DNA2: variants seen among roughly 807,000 people sequenced by gnomAD.
The protein encoded by DNA2 is DNA replication helicase/nuclease 2, also known as DNA replication ATP-dependent helicase/nuclease DNA2.
DNA2 carries 101 observed loss-of-function variants against 119.1 expected under a neutral mutation model. The observed-to-expected ratio is 0.85, with a 90% confidence interval of 0.72 to 1.00. The LOEUF (loss-of-function observed/expected upper bound fraction) is 1.00. Among genes scored for constraint, DNA2 ranks in the 50% least tolerant of loss-of-function variants. The pLI is 0.00. For missense variants in DNA2, 1,121 were observed against 1,255.5 expected (o/e 0.89, Z 1.62); for synonymous variants, 366 against 424.4 (o/e 0.86, Z 1.69).
At chr10:68,437,537 C>A (rs2051906582) in intron 9 of DNA2, among the ~76,000 whole-genome samples, 1 of 151,976 alleles carries the variant, frequency 6.6e-6, no homozygotes, top group Middle Eastern at 3.4e-3. Flanking sequence ...GTAATCCCAG[C>A]TACTCAGGAG....
At chr10:68,444,063 C>T (rs923221044) in intron 8 of DNA2, among the ~76,000 whole-genome samples, 12 of 152,146 alleles carry the variant, frequency 7.9e-5, no homozygotes, top group African/African-American at 2.4e-4. Context: ...TCAAGACCAG[C>T]CTGGCCAACA....
chr10:68,441,074 T>C (rs2051961027), intron 9 of DNA2, among the ~76,000 whole-genome samples: 1 of 151,908 alleles, frequency 6.6e-6, no homozygotes. Flanking sequence ...GGCTCGCAGC[T>C]GTAATACCAG....
chr10:68,430,644 G>T lies in DNA2; in HGVS notation c.2000C>A (p.Ala667Asp), dbSNP rs1298645371. 1.9e-6 allele frequency: 3 copies of T among 1,590,128 alleles called. No homozygotes were observed. The highest frequency in any genetic ancestry group is 2.6e-6 in the Non-Finnish European group (3 of 1,168,770). Residue 667 changes from alanine to aspartate, a missense_variant, in exon 14 of 21, where the codon GCC becomes GAC. Transcript: ENST00000358410. Reference sequence around the variant, plus strand: ...GGTCAACAAAACGCTAAAACCACAGGCGTAGAGAATTCTTACCTAATAATG... The same window carrying T: ...GGTCAACAAAACGCTAAAACCACAGTCGTAGAGAATTCTTACCTAATAATG... ...TICTLVRILY[A>D]CGFSVLLTSY...
chr10:68,457,874 A>G (rs760672750), intron 5 of DNA2, among the ~76,000 whole-genome samples: 5 of 152,130 alleles, frequency 3.3e-5, no homozygotes, highest in Non-Finnish European at 5.9e-5. Context: ...AAAAATACAC[A>G]TGAAAGAATC....
rs148064354 is a variant in DNA2 at position 68,439,996 on chromosome 10, T to C, written c.1416-2755A>G. ...TCCAGCCTGGGCGACTGAGCAAGAT[T>C]CCATCTCAAAAAAAAAAATTTTTTT... is the stretch of plus-strand genomic sequence containing the variant. On this transcript the variant is annotated intron_variant, in intron 9 of 20. Transcript: ENST00000358410. Among the ~76,000 whole-genome samples, 1,264 of 151,064 alleles carry C rather than the reference T, an allele frequency of 8.4e-3. 20 individuals are homozygous for C. Among genetic ancestry groups the C allele is most frequent in the African/African-American group, 0.029 (1,205 of 41,092 alleles).
chr10:68,448,848 G>A (rs1263515714), intron 6 of DNA2, among the ~76,000 whole-genome samples: 1 of 120,254 alleles, frequency 8.3e-6, no homozygotes, highest in Non-Finnish European at 1.6e-5. Flanking sequence ...CGTGATCTCA[G>A]CTCACTACAA....
At position 68,419,044 on chromosome 10, in the gene DNA2, T is replaced by C. The variant is rs1404209985; in HGVS notation, c.2957A>G (p.Lys986Arg). 6.3e-7 allele frequency: 1 copy of C among 1,599,340 alleles called. No individual in the cohort carries two copies. The highest frequency in any genetic ancestry group is 8.5e-7 in the Non-Finnish European group (1 of 1,175,102). ...ACACAATTAACTCACAGTTCCATCCTTATTACTTCTAACAAAAGATACTAG... is the reference window on the plus strand; with the variant it reads ...ACACAATTAACTCACAGTTCCATCCCTATTACTTCTAACAAAAGATACTAG... ...IVLVSFVRSN[K>R]DGTVGELLKD... is the part of the protein sequence containing the mutation. Residue 986 changes from lysine to arginine, a missense_variant, in exon 19 of 21, where the codon AAG becomes AGG. Coordinates refer to ENST00000358410, the MANE Select transcript of DNA2 (RefSeq NM_001080449.3).
intron 10 of DNA2, 24 bp downstream of exon 10, chr10:68,436,987 T>C (rs1414340340): frequency 4.5e-6 from 7 of 1,547,170 alleles, no homozygotes; most frequent in East Asian, 2.3e-5. Context: ...AAAGCTGTTA[T>C]CAAAAAAAGT....
intron 9 of DNA2, among the ~76,000 whole-genome samples, chr10:68,440,279 T>G (rs960852019): frequency 2.6e-5 from 4 of 151,900 alleles, no homozygotes; most frequent in Non-Finnish European, 5.9e-5. Context: ...GGTAACAGAG[T>G]AAGACTTTTT....
intron 12 of DNA2, 52 bp from the exon 13 acceptor site, chr10:68,432,023 A>G (rs1036439379): frequency 7.1e-7 from 1 of 1,401,956 alleles, no homozygotes; most frequent in East Asian, 2.3e-5. Context: ...TTTCAAAGGA[A>G]AAGTTAATTA....
At chr10:68,454,092 C>G (rs543070672) in intron 5 of DNA2, among the ~76,000 whole-genome samples, 1 of 152,150 alleles carries the variant, frequency 6.6e-6, no homozygotes, top group Non-Finnish European at 1.5e-5. Flanking sequence ...TTATCTCCTT[C>G]TATGCCTTAT....
rs1182617652 is a variant in DNA2, at chr10:68,450,090, T to A, written c.877A>T (p.Lys293Ter). Residue 293 changes from lysine (K) to a stop codon, truncating the protein, a stop_gained, in exon 6 of 21, where the codon AAG (lysine) becomes TAG (stop). Transcript: ENST00000358410. LOFTEE classifies it high-confidence loss of function. ...KIHRGYKTKY[K>*]IMPLELKTGK... Reference sequence around the variant, plus strand: ...GTTTTAAGTTCCAGCGGCATTATCTTGTATTTTGTTTTATACCCTCGATGT... The same window carrying A: ...GTTTTAAGTTCCAGCGGCATTATCTAGTATTTTGTTTTATACCCTCGATGT... The A allele has an allele frequency of 6.2e-7, 1 of 1,603,516 alleles. No individual in the cohort carries two copies. The highest frequency in any genetic ancestry group is 8.5e-7 in the Non-Finnish European group (1 of 1,174,166).
intron 20 of DNA2, among the ~76,000 whole-genome samples, chr10:68,416,220 C>T (rs1381172578): frequency 6.6e-6 from 1 of 152,092 alleles, no homozygotes; most frequent in Non-Finnish European, 1.5e-5. Flanking sequence ...GTAGTCCCAG[C>T]ACTTTGGGAG....
chr10:68,460,434 T>TTGA lies in DNA2; in HGVS notation c.588-1200_588-1199insTCA, dbSNP rs1554909349. Reference sequence around the variant, plus strand: ...TAATACGGTAATTTTTTTTTTTTTTTGAGAGAGAGTTTCACTCTTGTTGCC... The same window carrying TTGA: ...TAATACGGTAATTTTTTTTTTTTTTTTGAGAGAGAGAGTTTCACTCTTGTTGCC... On this transcript the variant is annotated intron_variant, in intron 4 of 20. Transcript: ENST00000358410. 1.1e-3 allele frequency among the ~76,000 whole-genome samples: 169 copies of TTGA among 149,094 alleles called. 1 individual carries two copies. The highest frequency in any genetic ancestry group is 3.8e-3 in the African/African-American group (157 of 41,122).
At chr10:68,416,492 CTAAT>C in intron 20 of DNA2, 1 of 455,084 alleles carries the variant, frequency 2.2e-6, no homozygotes, top group Non-Finnish European at 4.0e-6. Context: ...CCATTTTAAT[CTAAT>C]CATTTGTTCT....
intron 20 of DNA2, among the ~76,000 whole-genome samples, chr10:68,415,904 C>A (rs565846550): frequency 1.3e-4 from 20 of 152,272 alleles, no homozygotes; most frequent in African/African-American, 4.8e-4. Flanking sequence ...CCTGCTTCAG[C>A]CTCCCAAAGT....
At chr10:68,424,729 T>A in intron 14 of DNA2, 1 of 1,579,214 alleles carries the variant, frequency 6.3e-7, no homozygotes, top group South Asian at 1.1e-5. Flanking sequence ...GAGGTCCAGG[T>A]AGTTCAAGGA....
intron 4 of DNA2, chr10:68,461,407 G>C (rs2052256366): frequency 6.6e-6 from 1 of 152,202 alleles, no homozygotes; most frequent in African/African-American, 2.4e-5. Context: ...TAGAGGCTTG[G>C]TCTACACCCA....
intron 10 of DNA2, among the ~76,000 whole-genome samples, chr10:68,434,168 G>A (rs944916206): frequency 6.6e-6 from 1 of 152,028 alleles, no homozygotes; most frequent in Non-Finnish European, 1.5e-5. Context: ...CCAGCTACTC[G>A]GGAGGCTGAG....
Sources: allele counts gnomAD v4.1 joint callset (sites outside exome capture counted in the v4.1 genomes callset), GRCh38; gene constraint gnomAD v4.1.1; transcripts MANE v1.5; gene names NCBI Gene and HGNC (gene_info 2026-07-23, HGNC 2026-07-21).